Variants in AIG1 observed in about 807,000 individuals in gnomAD.
AIG1 encodes androgen-induced gene 1 protein.
AIG1 carries 23 observed loss-of-function variants against 31.4 expected under a neutral mutation model. That is an observed-to-expected ratio of 0.73 (90% CI 0.53 to 1.04). The LOEUF is 1.04. Ranked by LOEUF, AIG1 falls within the 50% of genes least tolerant of loss-of-function variation. The pLI, the probability that AIG1 is intolerant of heterozygous loss-of-function variation, is 0.00. For synonymous variants in AIG1, 100 were observed against 110.5 expected, an observed-to-expected ratio of 0.90 and a Z score of 0.60; for missense variants, 274 against 295.0, an observed-to-expected ratio of 0.93 and a Z score of 0.52.
At chr6:143,188,189 G>C (rs991252501) in intron 3 of AIG1, 1 of 995,530 alleles carries the variant, frequency 1.0e-6, no homozygotes, top group African/African-American at 1.7e-5. Flanking sequence ...CTCTTTACTC[G>C]TAAGCTGCCC....
At chr6:143,142,848 A>G (rs1437978933) in intron 2 of AIG1, among the ~76,000 whole-genome samples, 2 of 152,208 alleles carry the variant, frequency 1.3e-5, no homozygotes, top group African/African-American at 2.4e-5. Context: ...AACATGGAAA[A>G]TGGATTTAAA....
intron 4 of AIG1, among the ~76,000 whole-genome samples, chr6:143,294,975 G>C (rs1221735766): frequency 6.6e-6 from 1 of 151,932 alleles, no homozygotes; most frequent in Non-Finnish European, 1.5e-5. Context: ...CTCCATTTCG[G>C]AACTCCATCC....
At chr6:143,224,553 A>G (rs1038359423) in intron 3 of AIG1, among the ~76,000 whole-genome samples, 2 of 152,244 alleles carry the variant, frequency 1.3e-5, no homozygotes, top group African/African-American at 4.8e-5. Flanking sequence ...TCCAAACCAG[A>G]GCATATTGAC....
chr6:143,284,298 T>C lies in AIG1; in HGVS notation c.515+73T>C. 1 of 1,077,956 alleles carries C rather than the reference T, an allele frequency of 9.3e-7. No individual in the cohort carries two copies. Among genetic ancestry groups the C allele is most frequent in the Non-Finnish European group, 1.4e-6 (1 of 716,570 alleles). 66.8% of individuals were successfully genotyped at this position (1,077,956 alleles called of 1,614,324 possible). A position where few individuals can be genotyped will look rare whatever the true frequency, so the allele number is the denominator to read the frequency against. ...TGCTAAATTTGGGCACATATTTCAT[T>C]ATGGATATAATCACTAACAGATTCA... On this transcript the variant is annotated intron_variant, in intron 4 of 5. Transcript: ENST00000357847. The surrounding 1 kb of genome is among the most constrained non-coding windows in gnomAD (Gnocchi z 4.4).
At chr6:143,191,996 A>G (rs1789830139) in intron 3 of AIG1, among the ~76,000 whole-genome samples, 1 of 152,224 alleles carries the variant, frequency 6.6e-6, no homozygotes, top group Non-Finnish European at 1.5e-5. Flanking sequence ...AAGCTGAATT[A>G]TCATGCATTT....
Position 143,339,698 on chromosome 6 carries a change from G to T in AIG1, c.*22G>T. On this transcript the variant is annotated 3_prime_UTR_variant, in exon 6 of 6. Transcript: ENST00000357847. ...ATGAGATCCAAGTCTAAACGCAAGAGCTAGATTGAGCCGCCATTGAAGACT... is the reference window on the plus strand; with the variant it reads ...ATGAGATCCAAGTCTAAACGCAAGATCTAGATTGAGCCGCCATTGAAGACT... 1 of 1,611,938 alleles carries T rather than the reference G, an allele frequency of 6.2e-7. No individual in the cohort carries two copies. Among genetic ancestry groups the T allele is most frequent in the Non-Finnish European group, 8.5e-7 (1 of 1,178,948 alleles).
intron 1 of AIG1, among the ~76,000 whole-genome samples, chr6:143,111,923 G>A (rs1480966272): frequency 6.6e-6 from 1 of 151,888 alleles, no homozygotes; most frequent in Admixed American, 6.6e-5. Flanking sequence ...CTTACACCTG[G>A]CTTTTTAAAA....
intron 3 of AIG1, among the ~76,000 whole-genome samples, chr6:143,251,323 A>G (rs933276388): frequency 1.3e-5 from 2 of 152,112 alleles, no homozygotes; most frequent in Admixed American, 1.3e-4. Context: ...AAGTGCTGGG[A>G]TTACAGGAGT....
chr6:143,160,136 A>G (rs191434715), intron 2 of AIG1, among the ~76,000 whole-genome samples: 49 of 152,202 alleles, frequency 3.2e-4, no homozygotes, highest in African/African-American at 1.2e-3. Flanking sequence ...CCCTCCCTCA[A>G]CAGTGAATGT....
chr6:143,250,370 T>A (rs763667066), intron 3 of AIG1, among the ~76,000 whole-genome samples: 1 of 152,212 alleles, frequency 6.6e-6, no homozygotes, highest in Non-Finnish European at 1.5e-5. Context: ...AATGGGCAAG[T>A]TATAAATTTC....
At position 143,288,898 on chromosome 6, in the gene AIG1, C is replaced by A. The variant is rs1554265546; in HGVS notation, c.515+4673C>A. On this transcript the variant is annotated intron_variant, in intron 4 of 5. Transcript: ENST00000357847. The surrounding 1 kb of genome is among the most constrained non-coding windows in gnomAD (Gnocchi z 4.4). Reference sequence around the variant, plus strand: ...AAAGAAGTAGTGGGTGGTTACAAGTCATAGGTGAATTCAAAGATTTCTGTG... The same window carrying A: ...AAAGAAGTAGTGGGTGGTTACAAGTAATAGGTGAATTCAAAGATTTCTGTG... 6.6e-6 allele frequency among the ~76,000 whole-genome samples: 1 copy of A among 152,140 alleles called. No homozygotes were observed. Among genetic ancestry groups the A allele is most frequent in the Non-Finnish European group, 1.5e-5 (1 of 68,028 alleles).
In AIG1 at chr6:143,333,219, G is replaced by A. The variant is rs1777216960; in HGVS notation, c.516-63G>A. On this transcript the variant is annotated intron_variant, in intron 4 of 5. Coordinates refer to ENST00000357847, the MANE Select transcript of AIG1 (RefSeq NM_016108.4). The surrounding 1 kb of genome is among the most constrained non-coding windows in gnomAD (Gnocchi z 4.6). ...TGAGGGAGTGTATATTTGCATCATAGCAGCTTTGATGCCTGCCATAAGAGT... is the reference window on the plus strand; with the variant it reads ...TGAGGGAGTGTATATTTGCATCATAACAGCTTTGATGCCTGCCATAAGAGT... 3 of 1,473,878 alleles carry A rather than the reference G, an allele frequency of 2.0e-6. No homozygotes were observed. Among genetic ancestry groups the A allele is most frequent in the Non-Finnish European group, 2.7e-6 (3 of 1,103,788 alleles). The allele number at this position is 1,473,878 out of a possible 1,614,324, so 91.3% of individuals were successfully genotyped here. A position where few individuals can be genotyped will look rare whatever the true frequency, so the allele number is the denominator to read the frequency against.
downstream of AIG1, chr6:143,342,350 G>C: frequency 1.5e-6 from 1 of 670,682 alleles, no homozygotes; most frequent in Non-Finnish European, 2.7e-6. Flanking sequence ...TTCTAGCCCC[G>C]CCGCAGCTGC....
At chr6:143,099,871 A>T (rs1780095611) in intron 1 of AIG1, among the ~76,000 whole-genome samples, 1 of 152,206 alleles carries the variant, frequency 6.6e-6, no homozygotes, top group Non-Finnish European at 1.5e-5. Context: ...AGAATGATTT[A>T]TTAGAAGTGT....
At chr6:143,201,335 G>A (rs1790681585) in intron 3 of AIG1, among the ~76,000 whole-genome samples, 1 of 151,624 alleles carries the variant, frequency 6.6e-6, no homozygotes, top group African/African-American at 2.4e-5. Context: ...CTCCAGCCTA[G>A]GTGACAAAGT....
At chr6:143,316,367 G>T (rs1775739047) in intron 4 of AIG1, among the ~76,000 whole-genome samples, 1 of 152,060 alleles carries the variant, frequency 6.6e-6, no homozygotes, top group African/African-American at 2.4e-5. Context: ...AGTTTCACTG[G>T]AAACAAAATT....
At chr6:143,171,694 C>A (rs1470594139) in intron 3 of AIG1, among the ~76,000 whole-genome samples, 1 of 150,504 alleles carries the variant, frequency 6.6e-6, no homozygotes, top group East Asian at 1.9e-4. Flanking sequence ...GAGTAGATAC[C>A]CGGGAGTGGG....
intron 3 of AIG1, among the ~76,000 whole-genome samples, chr6:143,265,919 A>G (rs977518075): frequency 1.3e-5 from 2 of 152,184 alleles, no homozygotes; most frequent in African/African-American, 4.8e-5. Context: ...GGTGCATTTC[A>G]TTTCCTCAAT....
intron 4 of AIG1, among the ~76,000 whole-genome samples, chr6:143,319,241 A>G (rs1776007405): frequency 6.6e-6 from 1 of 152,240 alleles, no homozygotes; most frequent in South Asian, 2.1e-4. Flanking sequence ...CCCATCAATC[A>G]ACAAGTGGAT....
Sources: gnomAD v4.1 joint callset for allele counts (sites outside exome capture counted in the v4.1 genomes callset) on GRCh38, gnomAD v4.1.1 for gene constraint, Gnocchi (gnomAD v3.1) non-coding constraint, MANE v1.5 for transcripts, NCBI Gene and HGNC (gene_info 2026-07-23, HGNC 2026-07-21) for gene names.